The following PPM1H variants were observed in gnomAD, a reference collection of about 807,000 sequenced individuals.
The protein encoded by PPM1H is protein phosphatase, Mg2+/Mn2+ dependent 1H, also known as protein phosphatase 1H.
PPM1H carries 27 observed loss-of-function variants against 54.9 expected under a neutral mutation model. That is an observed-to-expected ratio of 0.49 (90% CI 0.36 to 0.68). The LOEUF (loss-of-function observed/expected upper bound fraction) is 0.68. Among genes scored for constraint, PPM1H ranks in the 30% least tolerant of loss-of-function variants. The probability of loss-of-function intolerance (pLI) is 0.00; values close to 1 mark genes in which losing one functional copy is unlikely to be tolerated. For missense variants in PPM1H, 596 were observed against 667.8 expected (o/e 0.89, Z 1.19); for synonymous variants, 305 against 270.8 (o/e 1.13, Z -1.24).
At chr12:62,897,549 C>T (rs1871032453) in intron 1 of PPM1H, among the ~76,000 whole-genome samples, 2 of 152,102 alleles carry the variant, frequency 1.3e-5, no homozygotes, top group African/African-American at 4.8e-5. Context: ...AAGCAGGTGT[C>T]CATACCCTGT....
At chr12:62,694,261 T>C (rs1250914992) in intron 6 of PPM1H, among the ~76,000 whole-genome samples, 1 of 152,072 alleles carries the variant, frequency 6.6e-6, no homozygotes, top group East Asian at 1.9e-4. Flanking sequence ...GGGAGATGGG[T>C]TTCTGGCCTT....
At chr12:62,840,427 T>A (rs1868702393) in intron 1 of PPM1H, among the ~76,000 whole-genome samples, 1 of 152,182 alleles carries the variant, frequency 6.6e-6, no homozygotes, top group Non-Finnish European at 1.5e-5. Flanking sequence ...GATGCACACA[T>A]TTAGTCCATT....
At chr12:62,744,166 T>TA (rs549496108) in intron 4 of PPM1H, among the ~76,000 whole-genome samples, 55 of 129,436 alleles carry the variant, frequency 4.2e-4, no homozygotes, top group Admixed American at 9.3e-4. Flanking sequence ...TATACAGTCA[T>TA]AAAAAAAAAA....
chr12:62,891,152 T>C (rs1408742318), intron 1 of PPM1H, among the ~76,000 whole-genome samples: 4 of 147,950 alleles, frequency 2.7e-5, no homozygotes, highest in Admixed American at 6.7e-5. Context: ...TTCTAGAGCA[T>C]ATTTTTCCTT....
chr12:62,659,657 G>T (rs2075871580), intron 9 of PPM1H, among the ~76,000 whole-genome samples: 1 of 152,164 alleles, frequency 6.6e-6, no homozygotes, highest in Non-Finnish European at 1.5e-5. Flanking sequence ...ATAAACAAAA[G>T]CCCAACAATC....
chr12:62,753,790 C>T (rs4763194), intron 4 of PPM1H, among the ~76,000 whole-genome samples: 65,023 of 152,046 alleles, frequency 0.43, 14,088 homozygotes, highest in Non-Finnish European at 0.45. Context: ...CTGGTTATTC[C>T]CTTAAATAGT....
chr12:62,740,409 C>T (rs939442407), intron 4 of PPM1H, among the ~76,000 whole-genome samples: 3 of 152,160 alleles, frequency 2.0e-5, no homozygotes, highest in African/African-American at 2.4e-5. Flanking sequence ...TCCTAACTTC[C>T]GGGACATTCT....
chr12:62,901,145 G>A lies in PPM1H; in HGVS notation c.245+33347C>T, dbSNP rs1357977035. Among the ~76,000 whole-genome samples the A allele has an allele frequency of 3.3e-5, 5 of 152,152 alleles. No homozygotes were observed. In the East Asian group the frequency reaches 7.7e-4, roughly 23 times the overall value. ...GCAGAGATTCTAGTCCTGCAAGTTTGGTGCCTTCTAATCACAGCAAAGAGC... is the reference window on the plus strand; with the variant it reads ...GCAGAGATTCTAGTCCTGCAAGTTTAGTGCCTTCTAATCACAGCAAAGAGC... On this transcript the variant is annotated intron_variant, in intron 1 of 9. Transcript: ENST00000228705.
At chr12:62,837,008 G>C (rs902627280) in intron 1 of PPM1H, among the ~76,000 whole-genome samples, 1 of 152,010 alleles carries the variant, frequency 6.6e-6, no homozygotes, top group African/African-American at 2.4e-5. Flanking sequence ...CTAAATCTCA[G>C]GAATGAACAT....
intron 1 of PPM1H, among the ~76,000 whole-genome samples, chr12:62,910,968 G>A (rs1017081428): frequency 6.6e-6 from 1 of 152,144 alleles, no homozygotes; most frequent in Non-Finnish European, 1.5e-5. Flanking sequence ...AAATATTTGA[G>A]CACCTACAAT....
rs1491147079 is a variant in PPM1H, at chr12:62,838,339, G to GT, written c.246-6061_246-6060insA. ...AGTAAAATACAGTGTGTGTGTGTGT[G>GT]GGGGGGGGGAGATGAATAACTTATG... On this transcript the variant is annotated intron_variant, in intron 1 of 9. Coordinates refer to ENST00000228705, the MANE Select transcript of PPM1H (RefSeq NM_020700.2). Among the ~76,000 whole-genome samples, 302 of 80,088 alleles carry GT rather than the reference G, an allele frequency of 3.8e-3. 2 individuals are homozygous for GT. Among genetic ancestry groups the GT allele is most frequent in the African/African-American group, 0.033 (276 of 8,490 alleles). 52.5% of individuals were successfully genotyped at this position (80,088 alleles called of 152,430 possible).
At chr12:62,757,236 A>C (rs2076482018) in intron 4 of PPM1H, among the ~76,000 whole-genome samples, 1 of 152,208 alleles carries the variant, frequency 6.6e-6, no homozygotes, top group African/African-American at 2.4e-5. Flanking sequence ...AGGAGGAAGA[A>C]CATCATGGAT....
intron 1 of PPM1H, among the ~76,000 whole-genome samples, chr12:62,880,411 C>A (rs1399304884): frequency 6.6e-6 from 1 of 152,178 alleles, no homozygotes; most frequent in Non-Finnish European, 1.5e-5. Flanking sequence ...TTGCTGAGCC[C>A]CAAGACTAGA....
intron 9 of PPM1H, among the ~76,000 whole-genome samples, chr12:62,656,425 G>A (rs1008561124): frequency 6.6e-6 from 1 of 152,166 alleles, no homozygotes; most frequent in African/African-American, 2.4e-5. Flanking sequence ...GATATTAAAT[G>A]CCTTTCTCCT....
chr12:62,801,692 G>C (rs2076770691), intron 3 of PPM1H, 124 bp downstream of exon 3: 27 of 1,027,838 alleles, frequency 2.6e-5, no homozygotes, highest in Non-Finnish European at 3.8e-5. Context: ...TTATCACAGG[G>C]GGCCGTCCAG....
At chr12:62,871,559 T>C (rs1237081260) in intron 1 of PPM1H, among the ~76,000 whole-genome samples, 2 of 149,330 alleles carry the variant, frequency 1.3e-5, no homozygotes, top group African/African-American at 4.9e-5. Context: ...CTGTTGTCCA[T>C]GCTGGAGGGT....
At chr12:62,894,121 C>T (rs557502306) in intron 1 of PPM1H, among the ~76,000 whole-genome samples, 2 of 152,162 alleles carry the variant, frequency 1.3e-5, no homozygotes, top group East Asian at 1.9e-4. Flanking sequence ...AGAGCAGAGA[C>T]AAGCCATCTC....
At chr12:62,715,078 G>A (rs917335104) in intron 6 of PPM1H, among the ~76,000 whole-genome samples, 4 of 152,232 alleles carry the variant, frequency 2.6e-5, no homozygotes, top group African/African-American at 9.6e-5. Context: ...CAGGAGCAGA[G>A]ACTTGGTGCC....
intron 9 of PPM1H, among the ~76,000 whole-genome samples, chr12:62,648,894 G>T (rs2075800857): frequency 6.6e-6 from 1 of 152,176 alleles, no homozygotes; most frequent in African/African-American, 2.4e-5. Context: ...GTCCTCTTTT[G>T]ATGTTTTTGA....
Sources: gnomAD v4.1 joint callset for allele counts (sites outside exome capture counted in the v4.1 genomes callset) on GRCh38, gnomAD v4.1.1 for gene constraint, MANE v1.5 for transcripts, NCBI Gene and HGNC (gene_info 2026-07-23, HGNC 2026-07-21) for gene names.